Variants in SIKE1 observed in about 807,000 individuals in gnomAD.
SIKE1 encodes suppressor of IKK epsilon.
A neutral mutation model predicts 25.8 loss-of-function variants in SIKE1; 13 were observed. That is an observed-to-expected ratio of 0.50 (90% CI 0.33 to 0.80). The LOEUF (loss-of-function observed/expected upper bound fraction) is 0.80. Ranked by LOEUF, SIKE1 falls within the 30% of genes least tolerant of loss-of-function variation. The probability of loss-of-function intolerance (pLI) is 0.02; values close to 1 mark genes in which losing one functional copy is unlikely to be tolerated. For synonymous variants in SIKE1, 86 were observed against 95.5 expected (o/e 0.90, Z 0.58); for missense variants, 222 against 252.4 (o/e 0.88, Z 0.82).
Position 114,773,862 on chromosome 1 carries a change from T to C in SIKE1, c.*409A>G, listed in dbSNP as rs1662136399. The C allele has an allele frequency of 6.5e-6, 1 of 153,866 alleles. No homozygotes were observed. Among genetic ancestry groups the C allele is most frequent in the Admixed American group, 6.5e-5 (1 of 15,324 alleles). The allele number at this position is 153,866 out of a possible 1,614,324, so 9.5% of individuals were successfully genotyped here. Reference sequence around the variant, plus strand: ...CAAATGGAAAAAAAAAATCAAGGTTTATGCCAAATAGATTTAAACAGTTAA... The same window carrying C: ...CAAATGGAAAAAAAAAATCAAGGTTCATGCCAAATAGATTTAAACAGTTAA... On this transcript the variant is annotated 3_prime_UTR_variant, in exon 5 of 5. Transcript: ENST00000060969.
In SIKE1 at chr1:114,774,205, A is replaced by T; in HGVS notation, c.*66T>A. 1 of 1,254,408 alleles carries T rather than the reference A, an allele frequency of 8.0e-7. No individual in the cohort carries two copies. The highest frequency in any genetic ancestry group is 1.2e-6 in the Non-Finnish European group (1 of 861,068). 77.7% of individuals were successfully genotyped at this position (1,254,408 alleles called of 1,614,324 possible). ...TGAGGCAAGACACTTAATGGACAGT[A>T]CTTGAATGGGAAGACAGTAACTTCC... On this transcript the variant is annotated 3_prime_UTR_variant, in exon 5 of 5. Coordinates refer to ENST00000060969, the MANE Select transcript of SIKE1 (RefSeq NM_025073.3).
chr1:114,777,266 G>C (rs1050421245), intron 3 of SIKE1, among the ~76,000 whole-genome samples: 1 of 151,980 alleles, frequency 6.6e-6, no homozygotes, highest in Non-Finnish European at 1.5e-5. Context: ...CAAAAAAAAG[G>C]CCTCCTTAAG....
chr1:114,776,650 T>A (rs927917766), intron 3 of SIKE1, among the ~76,000 whole-genome samples, 191 bp from the exon 4 acceptor site: 10 of 145,414 alleles, frequency 6.9e-5, no homozygotes, highest in Admixed American at 3.4e-4. Flanking sequence ...TCACGGATAT[T>A]TTTTTTTTTT....
chr1:114,776,829 T>C (rs572301174), intron 3 of SIKE1, among the ~76,000 whole-genome samples: 56 of 152,266 alleles, frequency 3.7e-4, no homozygotes, highest in African/African-American at 1.3e-3. Context: ...CTATTCACAA[T>C]AGCAAAGACT....
In SIKE1 at chr1:114,774,258, ATTCAGAGTTCAGTTATTT is replaced by A. The variant is rs751027238; in HGVS notation, c.619_*12del. 1.8e-5 allele frequency: 29 copies of A among 1,593,652 alleles called. No individual in the cohort carries two copies. The East Asian group carries it at 4.2e-4, about 23-fold the overall frequency. ...CCTTGATAGACAATCTCCAGCCATC[ATTCAGAGTTCAGTTATTT>A]GATGGCTTGGGAAGCAGTGTCCATT... On this transcript the variant is annotated stop_lost and 3_prime_UTR_variant, in exon 5 of 5. Transcript: ENST00000060969.
chr1:114,780,413 A>G, intron 1 of SIKE1, 36 bp downstream of exon 1: 1 of 1,610,026 alleles, frequency 6.2e-7, no homozygotes, highest in Non-Finnish European at 8.5e-7. Flanking sequence ...CAGTGCCCAG[A>G]ATCCGAGAGC....
In SIKE1 at chr1:114,770,293, AGGC is replaced by A. The variant is rs1337868956; in HGVS notation, c.*3975_*3977del. ...GCACTTGTAATCCCAGCGACTTGGG[AGGC>A]TGAGGCAGGAGAATCGCTTGAACCC... On this transcript the variant is annotated 3_prime_UTR_variant, in exon 5 of 5. Coordinates refer to ENST00000060969, the MANE Select transcript of SIKE1 (RefSeq NM_025073.3). 1 of 152,660 alleles carries A rather than the reference AGGC, an allele frequency of 6.6e-6. No individual in the cohort carries two copies. Among genetic ancestry groups the A allele is most frequent in the African/African-American group, 2.4e-5 (1 of 41,484 alleles). The allele number at this position is 152,660 out of a possible 1,614,324, so 9.5% of individuals were successfully genotyped here.
At position 114,775,504 on chromosome 1, in the gene SIKE1, T is replaced by A. The variant is rs1662211746; in HGVS notation, c.522+842A>T. 8.3e-5 allele frequency among the ~76,000 whole-genome samples: 4 copies of A among 48,260 alleles called. No homozygotes were observed. The South Asian group carries it at 2.2e-3, about 26-fold the overall frequency. The allele number at this position is 48,260 out of a possible 152,430, so 31.7% of individuals were successfully genotyped here. A position where few individuals can be genotyped will look rare whatever the true frequency, so the allele number is the denominator to read the frequency against. On this transcript the variant is annotated intron_variant, in intron 4 of 4. Transcript: ENST00000060969. Reference sequence around the variant, plus strand: ...CAAACCATTCACTGAAATGCTTTGCTTTTTTTTTTTTTTTTTTGAGACAGG... The same window carrying A: ...CAAACCATTCACTGAAATGCTTTGCATTTTTTTTTTTTTTTTTGAGACAGG...
At position 114,780,463 on chromosome 1, in the gene SIKE1, C is replaced by G; in HGVS notation, c.145G>C (p.Ala49Pro). Residue 49 changes from alanine to proline, a missense_variant, in exon 1 of 5, where the codon GCG (alanine) becomes CCG (proline). Transcript: ENST00000060969. ...RVAAMREAGT[A>P]LPDQYQEDAS... ...CTCTGCCTGACCTGGTCCGGAAGCG[C>G]TGTCCCCGCCTCCCGCATAGCTGCT... 2 of 1,613,074 alleles carry G rather than the reference C, an allele frequency of 1.2e-6. No individual in the cohort carries two copies. Among genetic ancestry groups the G allele is most frequent in the Non-Finnish European group, 1.7e-6 (2 of 1,180,032 alleles).
In SIKE1 at chr1:114,769,515, G is replaced by A. The variant is rs1017327087; in HGVS notation, c.*4756C>T. 1.3e-5 allele frequency: 2 copies of A among 151,910 alleles called. No homozygotes were observed. Among genetic ancestry groups the A allele is most frequent in the African/African-American group, 2.4e-5 (1 of 41,336 alleles). The allele number at this position is 151,910 out of a possible 1,614,324, so 9.4% of individuals were successfully genotyped here. A position where few individuals can be genotyped will look rare whatever the true frequency, so the allele number is the denominator to read the frequency against. On this transcript the variant is annotated 3_prime_UTR_variant, in exon 5 of 5. Transcript: ENST00000060969. ...AATGTATAATTTATTATATATGTATGTATTCCTTAACAATATGTTGTATAA... is the reference window on the plus strand; with the variant it reads ...AATGTATAATTTATTATATATGTATATATTCCTTAACAATATGTTGTATAA...
chr1:114,780,010 A>G (rs1401284260), intron 2 of SIKE1, 100 bp downstream of exon 2: 3 of 818,142 alleles, frequency 3.7e-6, no homozygotes, highest in African/African-American at 1.7e-5. Context: ...CTCTCCTACT[A>G]AAAGTACTGA....
At chr1:114,775,180 C>T (rs928861835) in intron 4 of SIKE1, among the ~76,000 whole-genome samples, 3 of 152,184 alleles carry the variant, frequency 2.0e-5, no homozygotes, top group African/African-American at 7.2e-5. Context: ...AGGGTAGCTT[C>T]TGCTCTTCAT....
intron 4 of SIKE1, among the ~76,000 whole-genome samples, chr1:114,775,323 C>T (rs1410268982): frequency 1.3e-5 from 2 of 152,004 alleles, no homozygotes; most frequent in African/African-American, 4.8e-5. Context: ...GAAGTGCTTC[C>T]TTCGGTATTT....
intron 4 of SIKE1, among the ~76,000 whole-genome samples, chr1:114,775,839 T>C (rs1164649297): frequency 1.3e-5 from 2 of 152,200 alleles, no homozygotes; most frequent in African/African-American, 4.8e-5. Flanking sequence ...AACATATTCC[T>C]ATTCTAATCA....
At position 114,774,376 on chromosome 1, in the gene SIKE1, G is replaced by GA. The variant is rs142475097; in HGVS notation, c.523-5dup. ...CTCGAAGTTCCTTATTTTCAAGCTG[G>GA]AAAAAAAAAGGCATGTTTATTTCTG... On this transcript the variant is annotated splice_region_variant and splice_polypyrimidine_tract_variant and intron_variant, in intron 4 of 4. Transcript: ENST00000060969. 813 of 1,556,198 alleles carry GA rather than the reference G, an allele frequency of 5.2e-4. 1 individual carries two copies. The highest frequency in any genetic ancestry group is 1.5e-3 in the South Asian group (131 of 84,944).
At position 114,770,083 on chromosome 1, in the gene SIKE1, T is replaced by TA. The variant is rs776574410; in HGVS notation, c.*4187dup. On this transcript the variant is annotated 3_prime_UTR_variant, in exon 5 of 5. Coordinates refer to ENST00000060969, the MANE Select transcript of SIKE1 (RefSeq NM_025073.3). Reference sequence around the variant, plus strand: ...TATTAAAAGTAATTCTCAGGATCTCTAGGACAGCCAGCAAACAAGAATTAG... The same window carrying TA: ...TATTAAAAGTAATTCTCAGGATCTCTAAGGACAGCCAGCAAACAAGAATTAG... The TA allele has an allele frequency of 3.3e-5, 5 of 152,218 alleles. No individual in the cohort carries two copies. The highest frequency in any genetic ancestry group is 7.3e-5 in the Non-Finnish European group (5 of 68,040). 9.4% of individuals were successfully genotyped at this position (152,218 alleles called of 1,614,324 possible). A position where few individuals can be genotyped will look rare whatever the true frequency, so the allele number is the denominator to read the frequency against.
In SIKE1 at chr1:114,771,261, T is replaced by G. The variant is rs937987223; in HGVS notation, c.*3010A>C. 1.3e-5 allele frequency: 2 copies of G among 152,210 alleles called. No individual in the cohort carries two copies. Among genetic ancestry groups the G allele is most frequent in the African/African-American group, 4.8e-5 (2 of 41,450 alleles). 9.4% of individuals were successfully genotyped at this position (152,210 alleles called of 1,614,324 possible). On this transcript the variant is annotated 3_prime_UTR_variant, in exon 5 of 5. Coordinates refer to ENST00000060969, the MANE Select transcript of SIKE1 (RefSeq NM_025073.3). ...CTCTCAGCTACACCATTCTAGAAAA[T>G]AATATCTCATTAGTTAAGACTCCAT...
chr1:114,769,783 TAGG>T lies in SIKE1; in HGVS notation c.*4485_*4487del, dbSNP rs998237051. Reference sequence around the variant, plus strand: ...AAGAGAGCGGGGGGGTCGGCAAAGATAGGAGAAGAGCTCAAATAGATAAAATAC... The same window carrying T: ...AAGAGAGCGGGGGGGTCGGCAAAGATAGAAGAGCTCAAATAGATAAAATAC... On this transcript the variant is annotated 3_prime_UTR_variant, in exon 5 of 5. Transcript: ENST00000060969. 5.3e-5 allele frequency: 8 copies of T among 152,248 alleles called. No homozygotes were observed. Among genetic ancestry groups the T allele is most frequent in the Middle Eastern group, 3.4e-3 (1 of 294 alleles). The allele number at this position is 152,248 out of a possible 1,614,324, so 9.4% of individuals were successfully genotyped here.
In SIKE1 at chr1:114,771,270, A is replaced by G. The variant is rs562339684; in HGVS notation, c.*3001T>C. 1 of 152,282 alleles carries G rather than the reference A, an allele frequency of 6.6e-6. No individual in the cohort carries two copies. The highest frequency in any genetic ancestry group is 1.9e-4 in the East Asian group (1 of 5,182). 9.4% of individuals were successfully genotyped at this position (152,282 alleles called of 1,614,324 possible). A position where few individuals can be genotyped will look rare whatever the true frequency, so the allele number is the denominator to read the frequency against. ...ACACCATTCTAGAAAATAATATCTCATTAGTTAAGACTCCATTTATTGAAT... is the reference window on the plus strand; with the variant it reads ...ACACCATTCTAGAAAATAATATCTCGTTAGTTAAGACTCCATTTATTGAAT... On this transcript the variant is annotated 3_prime_UTR_variant, in exon 5 of 5. Coordinates refer to ENST00000060969, the MANE Select transcript of SIKE1 (RefSeq NM_025073.3).
Sources: allele counts gnomAD v4.1 joint callset (sites outside exome capture counted in the v4.1 genomes callset), GRCh38; gene constraint gnomAD v4.1.1; transcripts MANE v1.5; gene names NCBI Gene and HGNC (gene_info 2026-07-23, HGNC 2026-07-21).